Variants in USP14 observed in about 807,000 individuals in gnomAD.
USP14 encodes the protein ubiquitin specific peptidase 14, also known as ubiquitin carboxyl-terminal hydrolase 14.
Under a neutral mutation model 76.5 loss-of-function variants are expected in USP14, and 38 were observed. The observed-to-expected ratio is 0.50, with a 90% CI of 0.38 to 0.65. The LOEUF (loss-of-function observed/expected upper bound fraction) is 0.65, where lower values mean the gene tolerates loss of function less well. Ranked by LOEUF, USP14 falls within the 30% of genes least tolerant of loss-of-function variation. The pLI is 0.00. For missense variants in USP14, 467 were observed against 586.5 expected (o/e 0.80, Z 2.10); for synonymous variants, 192 against 191.7 (o/e 1.00, Z -0.01).
At position 212,872 on chromosome 18, in the gene USP14, T is replaced by C. The variant is rs2143114181; in HGVS notation, c.*1588T>C. 1 of 152,342 alleles carries C rather than the reference T, an allele frequency of 6.6e-6. No individual in the cohort carries two copies. Among genetic ancestry groups the C allele is most frequent in the African/African-American group, 2.4e-5 (1 of 41,582 alleles). The allele number at this position is 152,342 out of a possible 1,614,324, so 9.4% of individuals were successfully genotyped here. A position where few individuals can be genotyped will look rare whatever the true frequency, so the allele number is the denominator to read the frequency against. ...CATCTCATATCTTTGTGTATGTTGT[T>C]TTAATGCTCGGCAGAGCACAACACT... On this transcript the variant is annotated 3_prime_UTR_variant, in exon 16 of 16. Transcript: ENST00000261601.
chr18:194,926 G>C (rs926444132), intron 6 of USP14, among the ~76,000 whole-genome samples: 1 of 152,212 alleles, frequency 6.6e-6, no homozygotes, highest in South Asian at 2.1e-4. Flanking sequence ...CTGAGACACT[G>C]TCTCAAAAAA....
chr18:193,935 T>A (rs999347175), intron 6 of USP14, among the ~76,000 whole-genome samples: 16 of 152,182 alleles, frequency 1.1e-4, no homozygotes, highest in African/African-American at 3.9e-4. Context: ...CATTTCTCTT[T>A]GGTATGCATC....
In USP14 at chr18:202,909, T is replaced by G; in HGVS notation, c.906T>G (p.Ser302=). Residue 302 remains serine (S), a synonymous_variant, in exon 11 of 16, where the codon TCT becomes TCG. Transcript: ENST00000261601. ...LRLQEEITKQ[S]PTLQRNALYI... is the part of the protein sequence containing the mutation. ...TTCAGGAAGAAATCACCAAACAGTC[T>G]CCAACGTTGCAAAGAAATGCCTTGT... is the stretch of plus-strand genomic sequence containing the variant. The G allele has an allele frequency of 6.2e-7, 1 of 1,614,168 alleles. No individual in the cohort carries two copies. Among genetic ancestry groups the G allele is most frequent in the African/African-American group, 1.3e-5 (1 of 75,078 alleles).
Position 158,575 on chromosome 18 carries a change from C to T in USP14, c.-124C>T, listed in dbSNP as rs1193967260. Reference sequence around the variant, plus strand: ...CCGGTTTGAATGAGACTCGTCGCACCGAAGCCGCCGCCACCACCGCGCCTC... The same window carrying T: ...CCGGTTTGAATGAGACTCGTCGCACTGAAGCCGCCGCCACCACCGCGCCTC... On this transcript the variant is annotated 5_prime_UTR_variant, in exon 1 of 16. Transcript: ENST00000261601. The T allele has an allele frequency of 6.8e-6, 7 of 1,029,502 alleles. No homozygotes were observed. In the Middle Eastern group the frequency reaches 1.2e-3, roughly 183 times the overall value. The allele number at this position is 1,029,502 out of a possible 1,614,324, so 63.8% of individuals were successfully genotyped here. A position where few individuals can be genotyped will look rare whatever the true frequency, so the allele number is the denominator to read the frequency against.
rs1910183712 is a variant in USP14, at chr18:194,721, AG to A, written c.463+1825del. On this transcript the variant is annotated intron_variant, in intron 6 of 15. Transcript: ENST00000261601. ...TGAGGCGGGCAGATCACTTAAGGCCAGGGGTTTGAGACCAGCCTGGCCAACA... is the reference window on the plus strand; with the variant it reads ...TGAGGCGGGCAGATCACTTAAGGCCAGGGTTTGAGACCAGCCTGGCCAACA... Among the ~76,000 whole-genome samples the A allele has an allele frequency of 2.0e-5, 3 of 152,146 alleles. No homozygotes were observed. In the South Asian group the frequency reaches 6.2e-4, roughly 32 times the overall value.
chr18:211,001 C>G (rs556857767), intron 15 of USP14, 132 bp from the exon 16 acceptor site: 1 of 866,498 alleles, frequency 1.2e-6, no homozygotes, highest in African/African-American at 1.7e-5. Flanking sequence ...GTCACTGGGT[C>G]GCACTTGGAG....
At chr18:188,010 A>ATGTTTCT (rs1433766855) in intron 5 of USP14, among the ~76,000 whole-genome samples, 2 of 152,118 alleles carry the variant, frequency 1.3e-5, no homozygotes, top group Non-Finnish European at 2.9e-5. Context: ...AGTTTACTTC[A>ATGTTTCT]TGTTTCTTTC....
At chr18:193,488 T>G (rs539320040) in intron 6 of USP14, among the ~76,000 whole-genome samples, 2 of 152,308 alleles carry the variant, frequency 1.3e-5, no homozygotes, top group South Asian at 4.1e-4. Flanking sequence ...AGTGTATAAT[T>G]CATTGTTTTT....
chr18:175,477 A>G (rs1427130669), intron 3 of USP14, among the ~76,000 whole-genome samples: 7 of 152,110 alleles, frequency 4.6e-5, no homozygotes, highest in Non-Finnish European at 8.8e-5. Context: ...TCATTTTGTT[A>G]AATGCCTTTT....
chr18:165,441 A>G (rs957479710), intron 2 of USP14, among the ~76,000 whole-genome samples: 1 of 152,206 alleles, frequency 6.6e-6, no homozygotes, highest in Non-Finnish European at 1.5e-5. Flanking sequence ...AGTGAACTTC[A>G]TAGCCTAATC....
rs533439247 is a variant in USP14, at chr18:196,038, A to C, written c.464-599A>C. On this transcript the variant is annotated intron_variant, in intron 6 of 15. Transcript: ENST00000261601. Reference sequence around the variant, plus strand: ...GAGTAGATACACTTAAAAATGTTTAAGCAGCTGGGTGTGGTGGCTCACACC... The same window carrying C: ...GAGTAGATACACTTAAAAATGTTTACGCAGCTGGGTGTGGTGGCTCACACC... 2.0e-5 allele frequency among the ~76,000 whole-genome samples: 3 copies of C among 152,184 alleles called. No homozygotes were observed. In the South Asian group the frequency reaches 6.2e-4, roughly 32 times the overall value.
intron 5 of USP14, among the ~76,000 whole-genome samples, chr18:184,364 A>G (rs1187703541): frequency 6.6e-6 from 1 of 152,190 alleles, no homozygotes; most frequent in African/African-American, 2.4e-5. Context: ...GAAAGAACAG[A>G]AAAACATTCC....
chr18:213,857 T>TAA lies in USP14; in HGVS notation c.*2576_*2577dup, dbSNP rs774679565. The TAA allele has an allele frequency of 9.8e-5, 15 of 152,350 alleles. 1 individual carries two copies. Among genetic ancestry groups the TAA allele is most frequent in the African/African-American group, 2.9e-4 (12 of 41,564 alleles). The allele number at this position is 152,350 out of a possible 1,614,324, so 9.4% of individuals were successfully genotyped here. On this transcript the variant is annotated 3_prime_UTR_variant, in exon 16 of 16. Transcript: ENST00000261601. ...ATGTCACAAGAATCCCTGAAGTGAT[T>TAA]AAAAGTCTTGAGAGGTCAGGCAATT... is the stretch of plus-strand genomic sequence containing the variant.
At position 214,589 on chromosome 18, in the gene USP14, TC is replaced by T. The variant is rs1187312705; in HGVS notation, c.*3306del. The stretch of plus-strand genomic sequence containing the variant: ...TATCAAATGCTGCTTGGTAACAAAA[TC>T]TATCACAGTTTTAATAAAAAGAAAA... On this transcript the variant is annotated 3_prime_UTR_variant, in exon 16 of 16. Coordinates refer to ENST00000261601, the MANE Select transcript of USP14 (RefSeq NM_005151.4). The T allele has an allele frequency of 1.3e-6, 2 of 1,539,030 alleles. No individual in the cohort carries two copies. Among genetic ancestry groups the T allele is most frequent in the Admixed American group, 1.9e-5 (1 of 52,256 alleles).
In USP14 at chr18:179,057, ATG is replaced by A. The variant is rs1567829058; in HGVS notation, c.300+24_300+25del. ...TCTGCTGTAAGACACACCAGATTTTATGTGTTTGATCACTACTTTTTGAAGGA... is the reference window on the plus strand; with the variant it reads ...TCTGCTGTAAGACACACCAGATTTTATGTTTGATCACTACTTTTTGAAGGA... On this transcript the variant is annotated intron_variant, in intron 4 of 15. Transcript: ENST00000261601. 2 of 1,551,330 alleles carry A rather than the reference ATG, an allele frequency of 1.3e-6. No individual in the cohort carries two copies. The highest frequency in any genetic ancestry group is 8.8e-7 in the Non-Finnish European group (1 of 1,140,162).
intron 5 of USP14, among the ~76,000 whole-genome samples, chr18:191,042 A>G (rs1446275522): frequency 6.6e-6 from 1 of 152,180 alleles, no homozygotes; most frequent in Non-Finnish European, 1.5e-5. Context: ...ATGTTACCCT[A>G]TAACAAGAAG....
At chr18:209,275 C>T (rs1357666302) in intron 13 of USP14, among the ~76,000 whole-genome samples, 1 of 152,082 alleles carries the variant, frequency 6.6e-6, no homozygotes, top group Non-Finnish European at 1.5e-5. Flanking sequence ...AACCTAGTTG[C>T]CATTTTTTGT....
Position 182,976 on chromosome 18 carries a change from A to G in USP14, c.404+2637A>G, listed in dbSNP as rs73364334. On this transcript the variant is annotated intron_variant, in intron 5 of 15. Coordinates refer to ENST00000261601, the MANE Select transcript of USP14 (RefSeq NM_005151.4). ...TTGTGGGCGAAGAGAAACCATTGGA[A>G]GATTTTAAGCAGAGTACTGACATTC... Among the ~76,000 whole-genome samples the G allele has an allele frequency of 4.7e-3, 712 of 152,310 alleles. 2 individuals carry two copies. Among genetic ancestry groups the G allele is most frequent in the African/African-American group, 0.016 (683 of 41,558 alleles).
intron 3 of USP14, among the ~76,000 whole-genome samples, chr18:176,149 T>C (rs1473054004): frequency 6.6e-6 from 1 of 152,124 alleles, no homozygotes; most frequent in African/African-American, 2.4e-5. Flanking sequence ...TTTCATTGAT[T>C]GTGTCCCCCC....
Sources: gnomAD v4.1 joint callset for allele counts (sites outside exome capture counted in the v4.1 genomes callset) on GRCh38, gnomAD v4.1.1 for gene constraint, MANE v1.5 for transcripts, NCBI Gene and HGNC (gene_info 2026-07-23, HGNC 2026-07-21) for gene names.